The following CRMP1 variants were observed in gnomAD, a reference collection of about 807,000 sequenced individuals.
CRMP1 encodes the protein collapsin response mediator protein 1.
In CRMP1, 19 loss-of-function variants were observed where a neutral mutation model predicts 68.3. The observed-to-expected ratio is 0.28, with a 90% CI of 0.19 to 0.41. The LOEUF (loss-of-function observed/expected upper bound fraction) is 0.41, where lower values mean the gene tolerates loss of function less well. CRMP1 is among the 10% of genes least tolerant of loss of function. CRMP1 has a pLI of 1.00. For synonymous variants in CRMP1, 439 were observed against 399.6 expected, an observed-to-expected ratio of 1.10 and a Z score of -1.18; for missense variants, 791 against 967.4, an observed-to-expected ratio of 0.82 and a Z score of 2.42.
intron 13 of CRMP1, among the ~76,000 whole-genome samples, chr4:5,823,053 G>C (rs1162606847): frequency 2.0e-5 from 3 of 152,020 alleles, no homozygotes; most frequent in Non-Finnish European, 2.9e-5. Context: ...TTTTTTACTA[G>C]CTGCAGAACA....
chr4:5,823,607 G>GC (rs1719043754), intron 13 of CRMP1, among the ~76,000 whole-genome samples: 3 of 152,072 alleles, frequency 2.0e-5, no homozygotes, highest in Non-Finnish European at 2.9e-5. Flanking sequence ...GTAAATTCTT[G>GC]CTCTATTAGC....
Position 5,850,742 on chromosome 4 carries a change from C to A in CRMP1, c.882+666G>T, listed in dbSNP as rs1712559829. ...TTGGCTGTAGCCTCCATGATTTTCT[C>A]CACCACACTAACAAGCAGAGCAAGG... On this transcript the variant is annotated intron_variant, in intron 5 of 13. Coordinates refer to ENST00000324989, the MANE Select transcript of CRMP1 (RefSeq NM_001014809.3). The surrounding 1 kb of genome is among the most constrained non-coding windows in gnomAD (Gnocchi z 4.4). 1.3e-5 allele frequency among the ~76,000 whole-genome samples: 2 copies of A among 152,190 alleles called. No individual in the cohort carries two copies. The highest frequency in any genetic ancestry group is 6.5e-5 in the Admixed American group (1 of 15,280).
At chr4:5,828,374 G>A (rs1263460206) in intron 12 of CRMP1, 115 bp downstream of exon 12, 2 of 1,452,042 alleles carry the variant, frequency 1.4e-6, no homozygotes, top group Non-Finnish European at 1.8e-6. Flanking sequence ...TAAGGAAACG[G>A]AGGTTCCCAG....
chr4:5,854,025 C>T lies in CRMP1; in HGVS notation c.820+2118G>A, dbSNP rs79975203. ...GGCAGCACAGACCCACTAGGCCTCA[C>T]GGAGCCCAGTGTCTTTCCCTACAAA... On this transcript the variant is annotated intron_variant, in intron 4 of 13. Coordinates refer to ENST00000324989, the MANE Select transcript of CRMP1 (RefSeq NM_001014809.3). The surrounding 1 kb of genome is among the most constrained non-coding windows in gnomAD (Gnocchi z 4.0). 0.02 allele frequency among the ~76,000 whole-genome samples: 3,108 copies of T among 152,322 alleles called. 86 individuals are homozygous for T. The highest frequency in any genetic ancestry group is 0.065 in the African/African-American group (2,696 of 41,568).
rs765202841 is a variant in CRMP1 at position 5,866,628 on chromosome 4, C to A, written c.470+40G>T. ...TTCCATCTAAGGCCAGGCAGCCTGGCGACACAGGTTTCTTAAAAGGTCCGT... is the reference window on the plus strand; with the variant it reads ...TTCCATCTAAGGCCAGGCAGCCTGGAGACACAGGTTTCTTAAAAGGTCCGT... On this transcript the variant is annotated intron_variant, in intron 2 of 13. Coordinates refer to ENST00000324989, the MANE Select transcript of CRMP1 (RefSeq NM_001014809.3). This position sits in a 1 kb window ranked among gnomAD's most constrained non-coding sequence, Gnocchi z 5.9. 2 of 1,495,522 alleles carry A rather than the reference C, an allele frequency of 1.3e-6. No individual in the cohort carries two copies. Among genetic ancestry groups the A allele is most frequent in the Non-Finnish European group, 1.9e-6 (2 of 1,078,202 alleles). The allele number at this position is 1,495,522 out of a possible 1,614,324, so 92.6% of individuals were successfully genotyped here. A position where few individuals can be genotyped will look rare whatever the true frequency, so the allele number is the denominator to read the frequency against.
In CRMP1 at chr4:5,889,020, T is replaced by C. The variant is rs1404073545; in HGVS notation, c.381+3569A>G. On this transcript the variant is annotated intron_variant, in intron 1 of 13. Coordinates refer to ENST00000324989, the MANE Select transcript of CRMP1 (RefSeq NM_001014809.3). The surrounding 1 kb of genome is among the most constrained non-coding windows in gnomAD (Gnocchi z 4.5). ...TTCCATCTCGGACCCCAAGCCTTTA[T>C]TCACGCTGTACCCTCTCCCTGAATA... is the stretch of plus-strand genomic sequence containing the variant. 6.6e-6 allele frequency among the ~76,000 whole-genome samples: 1 copy of C among 152,008 alleles called. No individual in the cohort carries two copies. The highest frequency in any genetic ancestry group is 1.5e-5 in the Non-Finnish European group (1 of 67,988).
At position 5,839,620 on chromosome 4, in the gene CRMP1, G is replaced by A; in HGVS notation, c.1212C>T (p.Tyr404=). ...CAGCCTTGGCCCAGTTCTTGCTCCA[G>A]TAATGGGTGCCATCGGTCCCCAGGC... is the stretch of plus-strand genomic sequence containing the variant. The part of the protein sequence containing the change: ...AASLGTDGTH[Y]WSKNWAKAAA... Residue 404 remains tyrosine (Y), a synonymous_variant, in exon 9 of 14, where the codon TAC becomes TAT. Coordinates refer to ENST00000324989, the MANE Select transcript of CRMP1 (RefSeq NM_001014809.3). 6.2e-7 allele frequency: 1 copy of A among 1,613,338 alleles called. No individual in the cohort carries two copies. The highest frequency in any genetic ancestry group is 8.5e-7 in the Non-Finnish European group (1 of 1,179,636).
At chr4:5,864,890 G>T (rs1336843142) in intron 2 of CRMP1, among the ~76,000 whole-genome samples, 1 of 145,358 alleles carries the variant, frequency 6.9e-6, no homozygotes, top group Non-Finnish European at 1.5e-5. Context: ...AAGGAATGAA[G>T]CCAGAGGAGG....
rs904234174 is a variant in CRMP1, at chr4:5,872,671, A to C, written c.382-5915T>G. On this transcript the variant is annotated intron_variant, in intron 1 of 13. Transcript: ENST00000324989. This position sits in a 1 kb window ranked among gnomAD's most constrained non-coding sequence, Gnocchi z 4.6. ...CGCTGCAGTCCAGCCTGGGCAACAG[A>C]GCGAGACTCCATCTCAAAAAACAAT... 2.6e-5 allele frequency among the ~76,000 whole-genome samples: 4 copies of C among 152,246 alleles called. No homozygotes were observed. Among genetic ancestry groups the C allele is most frequent in the African/African-American group, 9.6e-5 (4 of 41,462 alleles).
rs531975669 is a variant in CRMP1, at chr4:5,887,258, G to C, written c.381+5331C>G. ...GGCTGCCCTCTGGCAGGTGCCCTGCGACTGTCCAGGAGCCTGAATTTTGCA... is the reference window on the plus strand; with the variant it reads ...GGCTGCCCTCTGGCAGGTGCCCTGCCACTGTCCAGGAGCCTGAATTTTGCA... On this transcript the variant is annotated intron_variant, in intron 1 of 13. Coordinates refer to ENST00000324989, the MANE Select transcript of CRMP1 (RefSeq NM_001014809.3). 1.1e-4 allele frequency: 84 copies of C among 756,684 alleles called. No homozygotes were observed. The Admixed American group carries it at 4.4e-3, about 40-fold the overall frequency. 46.9% of individuals were successfully genotyped at this position (756,684 alleles called of 1,614,324 possible).
chr4:5,837,013 A>G, intron 9 of CRMP1, 107 bp from the exon 10 acceptor site: 2 of 1,318,870 alleles, frequency 1.5e-6, no homozygotes, highest in Non-Finnish European at 2.1e-6. Flanking sequence ...ATGAATAGAT[A>G]AGGAAGCCAG....
At chr4:5,862,981 T>G (rs948292047) in intron 2 of CRMP1, among the ~76,000 whole-genome samples, 11 of 152,234 alleles carry the variant, frequency 7.2e-5, no homozygotes, top group African/African-American at 2.4e-4. Flanking sequence ...GTAATTTTGT[T>G]TTTAAATTTT....
At chr4:5,868,470 T>G (rs1405982927) in intron 1 of CRMP1, among the ~76,000 whole-genome samples, 1 of 151,084 alleles carries the variant, frequency 6.6e-6, no homozygotes, top group African/African-American at 2.4e-5. Context: ...CTTGGCTAAT[T>G]TTTTGTATTT....
rs1712845361 is a variant in CRMP1 at position 5,853,919 on chromosome 4, CAGGACCTG to C, written c.820+2216_820+2223del. ...GCATACAAAGTTGAAAGGTTGCTGC[CAGGACCTG>C]AGCACCATCGCCATTCGCCTGCTGG... On this transcript the variant is annotated intron_variant, in intron 4 of 13. Transcript: ENST00000324989. This position sits in a 1 kb window ranked among gnomAD's most constrained non-coding sequence, Gnocchi z 4.7. Among the ~76,000 whole-genome samples the C allele has an allele frequency of 6.6e-6, 1 of 152,218 alleles. No individual in the cohort carries two copies. Among genetic ancestry groups the C allele is most frequent in the Admixed American group, 6.5e-5 (1 of 15,286 alleles).
intron 13 of CRMP1, chr4:5,824,999 C>T (rs528250180): frequency 1.0e-6 from 1 of 985,238 alleles, no homozygotes; most frequent in Non-Finnish European, 1.2e-6. Context: ...CTTCCGTTTC[C>T]TCTTTAAATA....
chr4:5,893,055 G>C lies in CRMP1; in HGVS notation c.-86C>G. 1 of 920,712 alleles carries C rather than the reference G, an allele frequency of 1.1e-6. No individual in the cohort carries two copies. Among genetic ancestry groups the C allele is most frequent in the African/African-American group, 1.8e-5 (1 of 55,584 alleles). 57.0% of individuals were successfully genotyped at this position (920,712 alleles called of 1,614,324 possible). A position where few individuals can be genotyped will look rare whatever the true frequency, so the allele number is the denominator to read the frequency against. ...GCCGTGCGCCGCGCTCCGCGCCTCGGTGCGGGCCTGCGGCGGCCCGGGCGC... is the reference window on the plus strand; with the variant it reads ...GCCGTGCGCCGCGCTCCGCGCCTCGCTGCGGGCCTGCGGCGGCCCGGGCGC... On this transcript the variant is annotated 5_prime_UTR_variant, in exon 1 of 14. Coordinates refer to ENST00000324989, the MANE Select transcript of CRMP1 (RefSeq NM_001014809.3).
intron 1 of CRMP1, among the ~76,000 whole-genome samples, chr4:5,885,287 AT>A (rs1715505397): frequency 6.6e-6 from 1 of 152,008 alleles, no homozygotes; most frequent in Non-Finnish European, 1.5e-5. Flanking sequence ...CTACACCCTT[AT>A]CCCCACTGTG....
rs1205807460 is a variant in CRMP1, at chr4:5,850,544, C to G, written c.882+864G>C. The stretch of plus-strand genomic sequence containing the variant: ...TGCCCATCTATCTTCATGGTAATAA[C>G]CAATTACCCTGCTAACTGATGCCTG... On this transcript the variant is annotated intron_variant, in intron 5 of 13. Transcript: ENST00000324989. This position sits in a 1 kb window ranked among gnomAD's most constrained non-coding sequence, Gnocchi z 4.4. Among the ~76,000 whole-genome samples, 2 of 152,162 alleles carry G rather than the reference C, an allele frequency of 1.3e-5. No homozygotes were observed. Among genetic ancestry groups the G allele is most frequent in the Non-Finnish European group, 2.9e-5 (2 of 68,030 alleles).
At position 5,838,336 on chromosome 4, in the gene CRMP1, G is replaced by A. The variant is rs1248450984; in HGVS notation, c.1310+1186C>T. ...CACCGGATTGAGTTCTGCCTTGTTG[G>A]ATGTTGCAGGGACTTGGGTTTCACT... On this transcript the variant is annotated intron_variant, in intron 9 of 13. Transcript: ENST00000324989. The surrounding 1 kb of genome is among the most constrained non-coding windows in gnomAD (Gnocchi z 4.9). 1.3e-5 allele frequency among the ~76,000 whole-genome samples: 2 copies of A among 152,076 alleles called. No homozygotes were observed. The highest frequency in any genetic ancestry group is 6.5e-5 in the Admixed American group (1 of 15,270).
Sources: allele counts gnomAD v4.1 joint callset (sites outside exome capture counted in the v4.1 genomes callset), GRCh38; gene constraint gnomAD v4.1.1; non-coding constraint Gnocchi (gnomAD v3.1); transcripts MANE v1.5; gene names NCBI Gene and HGNC (gene_info 2026-07-23, HGNC 2026-07-21).